EEF1A1: variants seen among roughly 807,000 people sequenced by gnomAD.
EEF1A1 encodes the protein elongation factor 1-alpha 1.
In EEF1A1, 1 loss-of-function variant was observed where a neutral mutation model predicts 38.5. The observed-to-expected ratio is 0.03, with a 90% CI of 0.01 to 0.12. EEF1A1 has a LOEUF of 0.12. EEF1A1 is among the 10% of genes least tolerant of loss of function. The pLI, the probability that EEF1A1 is intolerant of heterozygous loss-of-function variation, is 1.00. For synonymous variants in EEF1A1, 229 were observed against 203.7 expected (o/e 1.12, Z -1.06); for missense variants, 184 against 588.3 (o/e 0.31, Z 7.11).
intron 1 of EEF1A1, 106 bp from the exon 2 acceptor site, chr6:73,520,162 A>T: frequency 1.8e-6 from 2 of 1,117,898 alleles, no homozygotes; most frequent in Non-Finnish European, 2.5e-6. Context: ...TCAAGTGCCA[A>T]GCTGGCCTAA....
At chr6:73,519,555 C>G in intron 2 of EEF1A1, 39 bp from the exon 3 acceptor site, 1 of 1,545,624 alleles carries the variant, frequency 6.5e-7, no homozygotes, top group Non-Finnish European at 8.7e-7. Context: ...TACTAAAACA[C>G]AAACTCCAGC....
chr6:73,519,460 A>C lies in EEF1A1; in HGVS notation c.201T>G (p.Arg67=). Residue 67 remains arginine, a synonymous_variant, in exon 3 of 8, where the codon CGT becomes CGG. Transcript: ENST00000309268. ...AWVLDKLKAE[R]ERGITIDISL... The stretch of plus-strand genomic sequence containing the variant: ...AGATATCAATGGTGATACCACGTTC[A>C]CGCTCAGCTTTCAGTTTATCCAAGA... 1 of 1,601,450 alleles carries C rather than the reference A, an allele frequency of 6.2e-7. No individual in the cohort carries two copies. The highest frequency in any genetic ancestry group is 8.5e-7 in the Non-Finnish European group (1 of 1,179,524).
Position 73,515,801 on chromosome 6 carries a change from G to A in EEF1A1, c.*2009C>T, listed in dbSNP as rs1765501003. 6.6e-6 allele frequency: 1 copy of A among 152,232 alleles called. No individual in the cohort carries two copies. The highest frequency in any genetic ancestry group is 1.5e-5 in the Non-Finnish European group (1 of 68,044). The allele number at this position is 152,232 out of a possible 1,614,324, so 9.4% of individuals were successfully genotyped here. A position where few individuals can be genotyped will look rare whatever the true frequency, so the allele number is the denominator to read the frequency against. On this transcript the variant is annotated 3_prime_UTR_variant, in exon 8 of 8. Transcript: ENST00000309268. ...GTGAGCAAGTTTGTAATGAATACCA[G>A]CAGGTGGTGCTCAAGCCACAGTTGT...
chr6:73,517,174 C>G lies in EEF1A1; in HGVS notation c.*636G>C, dbSNP rs1041158963. On this transcript the variant is annotated 3_prime_UTR_variant, in exon 8 of 8. Transcript: ENST00000309268. ...TTAACCCACGTTTCAACATGCACAT[C>G]CCAGTAATTTGGAAACATTTTGTTT... 7.9e-5 allele frequency: 12 copies of G among 152,470 alleles called. No individual in the cohort carries two copies. The East Asian group carries it at 2.3e-3, about 29-fold the overall frequency. 9.4% of individuals were successfully genotyped at this position (152,470 alleles called of 1,614,324 possible). A position where few individuals can be genotyped will look rare whatever the true frequency, so the allele number is the denominator to read the frequency against.
intron 2 of EEF1A1, 107 bp from the exon 3 acceptor site, chr6:73,519,623 CAA>C (rs1582714866): frequency 7.6e-7 from 1 of 1,321,724 alleles, no homozygotes; most frequent in African/African-American, 1.5e-5. Context: ...ACTCCAAGTC[CAA>C]AGTGATTTTA....
Position 73,517,481 on chromosome 6 carries a change from A to G in EEF1A1, c.*329T>C, listed in dbSNP as rs953933527. 8 of 252,578 alleles carry G rather than the reference A, an allele frequency of 3.2e-5. No homozygotes were observed. Among genetic ancestry groups the G allele is most frequent in the Non-Finnish European group, 6.1e-5 (8 of 132,190 alleles). The allele number at this position is 252,578 out of a possible 1,614,324, so 15.6% of individuals were successfully genotyped here. Reference sequence around the variant, plus strand: ...AACCAGAATTAGATGTCTTTCACCTAAATGTCTCGGTGTTGACCAAAGGAA... The same window carrying G: ...AACCAGAATTAGATGTCTTTCACCTGAATGTCTCGGTGTTGACCAAAGGAA... On this transcript the variant is annotated 3_prime_UTR_variant, in exon 8 of 8. Transcript: ENST00000309268.
Position 73,518,805 on chromosome 6 carries a change from T to C in EEF1A1, c.665A>G (p.Asn222Ser), listed in dbSNP as rs757080023. 2.6e-5 allele frequency: 42 copies of C among 1,614,042 alleles called. No individual in the cohort carries two copies. The highest frequency in any genetic ancestry group is 3.3e-5 in the Admixed American group (2 of 59,980). The change falls in exon 5 of 8, where the codon AAT becomes AGT. Residue 222 changes from asparagine to serine, a missense_variant. Transcript: ENST00000309268. ...CTCAAGCAGCGTGGTTCCACTGGCA[T>C]TGCCATCCTTACGGGTGACTTTCCA... ...KGWKVTRKDG[N>S]ASGTTLLEAL...
At chr6:73,517,990 C>T in intron 7 of EEF1A1, 40 bp downstream of exon 7, 1 of 1,611,892 alleles carries the variant, frequency 6.2e-7, no homozygotes, top group Non-Finnish European at 8.5e-7. Context: ...TATTTTTCAT[C>T]TTTAACACAA....
At position 73,516,346 on chromosome 6, in the gene EEF1A1, G is replaced by A. The variant is rs1347183632; in HGVS notation, c.*1464C>T. The A allele has an allele frequency of 6.6e-6, 1 of 152,182 alleles. No homozygotes were observed. The highest frequency in any genetic ancestry group is 1.5e-5 in the Non-Finnish European group (1 of 68,056). 9.4% of individuals were successfully genotyped at this position (152,182 alleles called of 1,614,324 possible). On this transcript the variant is annotated 3_prime_UTR_variant, in exon 8 of 8. Coordinates refer to ENST00000309268, the MANE Select transcript of EEF1A1 (RefSeq NM_001402.6). ...AACACATGTCCTGGCCAGGCATGGT[G>A]GCTCATGCCTGTAATTCCAGCACTT...
In EEF1A1 at chr6:73,517,817, G is replaced by A; in HGVS notation, c.1382C>T (p.Ala461Val). The change falls in exon 8 of 8, where the codon GCT becomes GTT. Residue 461 changes from alanine to valine, a missense_variant. Ala to Val is a moderately conservative substitution (Grantham distance 64). Around this residue, in one of 3 missense-constraint regions of EEF1A1, gnomAD observed 81 missense variants for 286.3 expected, o/e 0.28. Transcript: ENST00000309268. ...AGGTATTAGGGATAATATTCATTTA[G>A]CCTTCTGAGCTTTCTGGGCAGACTT... The part of the protein sequence containing the change: ...VTKSAQKAQK[A>V]K 8.4e-6 allele frequency: 13 copies of A among 1,546,900 alleles called. No individual in the cohort carries two copies. Among genetic ancestry groups the A allele is most frequent in the Non-Finnish European group, 4.4e-6 (5 of 1,128,186 alleles).
intron 2 of EEF1A1, 51 bp downstream of exon 2, chr6:73,519,832 G>A: frequency 1.1e-5 from 17 of 1,606,854 alleles, no homozygotes; most frequent in Non-Finnish European, 1.4e-5. Flanking sequence ...TAATGATTCT[G>A]CTGGTAAAAC....
At chr6:73,520,961 A>G (rs939029642) in intron 1 of EEF1A1, 39 bp downstream of exon 1, 2 of 152,994 alleles carry the variant, frequency 1.3e-5, no homozygotes, top group Non-Finnish European at 2.9e-5. Context: ...CATAACCCGT[A>G]AAGAGGCCAG....
Position 73,518,933 on chromosome 6 carries a change from T to G in EEF1A1, c.620A>C (p.Asn207Thr). 6.2e-7 allele frequency: 1 copy of G among 1,612,214 alleles called. No homozygotes were observed. Among genetic ancestry groups the G allele is most frequent in the Non-Finnish European group, 8.5e-7 (1 of 1,178,328 alleles). Reference protein sequence around the residue: ...NGDNMLEPSANMPWFKGWKVT... With the variant: ...NGDNMLEPSATMPWFKGWKVT... ...ACAATGGTCTTGAAAGCCACTTACG[T>G]TAGCACTTGGCTCCAGCATGTTGTC... Residue 207 changes from asparagine to threonine, a missense_variant and splice_region_variant, in exon 4 of 8, where the codon AAC becomes ACC. Around this residue, in one of 3 missense-constraint regions of EEF1A1, gnomAD observed 46 missense variants for 73.9 expected, o/e 0.62. Coordinates refer to ENST00000309268, the MANE Select transcript of EEF1A1 (RefSeq NM_001402.6).
rs1342037981 is a variant in EEF1A1, at chr6:73,516,792, A to G, written c.*1018T>C. 2 of 152,214 alleles carry G rather than the reference A, an allele frequency of 1.3e-5. No individual in the cohort carries two copies. Among genetic ancestry groups the G allele is most frequent in the African/African-American group, 2.4e-5 (1 of 41,458 alleles). 9.4% of individuals were successfully genotyped at this position (152,214 alleles called of 1,614,324 possible). ...GCATTTTTCAAATGCACAAATGCTT[A>G]AAGATTCAGGAGTAAGTGGGCTATT... On this transcript the variant is annotated 3_prime_UTR_variant, in exon 8 of 8. Coordinates refer to ENST00000309268, the MANE Select transcript of EEF1A1 (RefSeq NM_001402.6).
In EEF1A1 at chr6:73,516,429, G is replaced by C. The variant is rs1038804294; in HGVS notation, c.*1381C>G. The C allele has an allele frequency of 1.3e-5, 2 of 151,976 alleles. No homozygotes were observed. The highest frequency in any genetic ancestry group is 4.8e-5 in the African/African-American group (2 of 41,348). The allele number at this position is 151,976 out of a possible 1,614,324, so 9.4% of individuals were successfully genotyped here. A position where few individuals can be genotyped will look rare whatever the true frequency, so the allele number is the denominator to read the frequency against. On this transcript the variant is annotated 3_prime_UTR_variant, in exon 8 of 8. Transcript: ENST00000309268. The stretch of plus-strand genomic sequence containing the variant: ...GTTTGAGACCAGCCTGACCAACATG[G>C]AAAAACCTCATCTCTATTAAAAACA...
intron 2 of EEF1A1, 118 bp from the exon 3 acceptor site, chr6:73,519,634 T>A: frequency 1.6e-6 from 2 of 1,273,098 alleles, no homozygotes; most frequent in Non-Finnish European, 2.2e-6. Context: ...AAAGTGATTT[T>A]AGTCACTTTG....
intron 7 of EEF1A1, 30 bp downstream of exon 7, chr6:73,518,000 A>G (rs760025377): frequency 6.2e-7 from 1 of 1,610,588 alleles, no homozygotes; most frequent in South Asian, 1.1e-5. Flanking sequence ...CTTTAACACA[A>G]CTTTTTTACA....
Position 73,516,356 on chromosome 6 carries a change from T to TGTAATTCCAGCACTTTAGGA in EEF1A1, c.*1434_*1453dup, listed in dbSNP as rs1278846999. 3.3e-5 allele frequency: 5 copies of TGTAATTCCAGCACTTTAGGA among 152,240 alleles called. No homozygotes were observed. Among genetic ancestry groups the TGTAATTCCAGCACTTTAGGA allele is most frequent in the African/African-American group, 9.7e-5 (4 of 41,442 alleles). The allele number at this position is 152,240 out of a possible 1,614,324, so 9.4% of individuals were successfully genotyped here. On this transcript the variant is annotated 3_prime_UTR_variant, in exon 8 of 8. Transcript: ENST00000309268. The stretch of plus-strand genomic sequence containing the variant: ...CTGGCCAGGCATGGTGGCTCATGCC[T>TGTAATTCCAGCACTTTAGGA]GTAATTCCAGCACTTTAGGAGGCCG...
rs78993679 is a variant in EEF1A1, at chr6:73,520,412, G to A, written c.-30-356C>T. The A allele has an allele frequency of 7.4e-3, 1,232 of 167,408 alleles. 16 individuals carry two copies. The highest frequency in any genetic ancestry group is 0.024 in the African/African-American group (1,020 of 41,776). 10.4% of individuals were successfully genotyped at this position (167,408 alleles called of 1,614,324 possible). A position where few individuals can be genotyped will look rare whatever the true frequency, so the allele number is the denominator to read the frequency against. On this transcript the variant is annotated intron_variant, in intron 1 of 7. Transcript: ENST00000309268. ...CCTCCATTTTGAGCTCCCTGCAGCAGGGCCGGGAAGCGGCCATCTTTCCGC... is the reference window on the plus strand; with the variant it reads ...CCTCCATTTTGAGCTCCCTGCAGCAAGGCCGGGAAGCGGCCATCTTTCCGC...
Sources: allele counts gnomAD v4.1 joint callset, GRCh38; gene constraint gnomAD v4.1.1; regional missense constraint gnomAD v4.1.1; transcripts MANE v1.5; gene names NCBI Gene and HGNC (gene_info 2026-07-23, HGNC 2026-07-21).